Variants in FRMD4A observed in about 807,000 individuals in gnomAD.
FRMD4A encodes FERM domain-containing protein 4A.
Under a neutral mutation model 129.1 loss-of-function variants are expected in FRMD4A, and 29 were observed. That is an observed-to-expected ratio of 0.22 (90% CI 0.17 to 0.31). The LOEUF is 0.31. Ranked by LOEUF, FRMD4A falls within the 10% of genes least tolerant of loss-of-function variation. The pLI, the probability that FRMD4A is intolerant of heterozygous loss-of-function variation, is 1.00. For synonymous variants in FRMD4A, 634 were observed against 571.6 expected (o/e 1.11, Z -1.56); for missense variants, 1,272 against 1,375.8 (o/e 0.92, Z 1.19).
At chr10:14,169,248 G>A (rs1841351602) in intron 2 of FRMD4A, among the ~76,000 whole-genome samples, 1 of 152,084 alleles carries the variant, frequency 6.6e-6, no homozygotes, top group Non-Finnish European at 1.5e-5. Flanking sequence ...CATCTTGGAT[G>A]CTAATCTGCC....
chr10:13,814,044 C>T (rs1280522367), intron 3 of FRMD4A, among the ~76,000 whole-genome samples: 2 of 152,080 alleles, frequency 1.3e-5, no homozygotes, highest in African/African-American at 4.8e-5. Context: ...TTTGTCAACG[C>T]GTTTTCACTG....
intron 2 of FRMD4A, among the ~76,000 whole-genome samples, chr10:13,892,311 A>G (rs1270596795): frequency 3.3e-5 from 5 of 152,008 alleles, no homozygotes; most frequent in African/African-American, 1.2e-4. Context: ...ATCTAGTCCA[A>G]TTGTATTGAA....
At chr10:13,912,090 T>G (rs1380594046) in intron 2 of FRMD4A, among the ~76,000 whole-genome samples, 1 of 152,248 alleles carries the variant, frequency 6.6e-6, no homozygotes, top group Non-Finnish European at 1.5e-5. Context: ...ATGCTTCTCA[T>G]TTTTGTTTTT....
intron 2 of FRMD4A, among the ~76,000 whole-genome samples, chr10:13,968,287 G>A (rs533920369): frequency 6.6e-6 from 1 of 152,274 alleles, no homozygotes; most frequent in East Asian, 1.9e-4. Flanking sequence ...AGCCAATGAA[G>A]ACACCGCAAA....
chr10:13,689,549 C>CTTTTTTT lies in FRMD4A; in HGVS notation c.1117+4342_1117+4348dup, dbSNP rs34800095. Among the ~76,000 whole-genome samples, 326 of 128,618 alleles carry CTTTTTTT rather than the reference C, an allele frequency of 2.5e-3. 8 individuals are homozygous for CTTTTTTT. Among genetic ancestry groups the CTTTTTTT allele is most frequent in the African/African-American group, 8.8e-3 (290 of 32,786 alleles). The allele number at this position is 128,618 out of a possible 152,430, so 84.4% of individuals were successfully genotyped here. ...CTCTAGGAACATAGATTAGAAGATT[C>CTTTTTTT]TTTTTTTTTTTTTTTTTTAAGAGAC... On this transcript the variant is annotated intron_variant, in intron 15 of 24. Transcript: ENST00000357447.
At position 13,902,852 on chromosome 10, in the gene FRMD4A, A is replaced by C. The variant is rs1188396486; in HGVS notation, c.46-43940T>G. 8.2e-5 allele frequency among the ~76,000 whole-genome samples: 12 copies of C among 146,398 alleles called. No homozygotes were observed. The East Asian group carries it at 1.8e-3, about 22-fold the overall frequency. On this transcript the variant is annotated intron_variant, in intron 2 of 24. Coordinates refer to ENST00000357447, the MANE Select transcript of FRMD4A (RefSeq NM_018027.5). The stretch of plus-strand genomic sequence containing the variant: ...GAGATGCAGTCTCAAAAAAAAAAAA[A>C]AAAAACAACAACAAACAACAGATTC...
intron 3 of FRMD4A, among the ~76,000 whole-genome samples, chr10:13,839,461 G>T (rs937668516): frequency 2.0e-5 from 3 of 152,164 alleles, no homozygotes; most frequent in Non-Finnish European, 4.4e-5. Flanking sequence ...GCCATAAAAC[G>T]TGCACCAGAG....
intron 2 of FRMD4A, among the ~76,000 whole-genome samples, chr10:14,311,945 T>C (rs1477059826): frequency 1.3e-5 from 2 of 152,168 alleles, no homozygotes; most frequent in Non-Finnish European, 2.9e-5. Flanking sequence ...AAAATTTTTC[T>C]TATATGGAAC....
rs567621194 is a variant in FRMD4A, at chr10:13,856,895, G to A, written c.111+1952C>T. On this transcript the variant is annotated intron_variant, in intron 3 of 24. Coordinates refer to ENST00000357447, the MANE Select transcript of FRMD4A (RefSeq NM_018027.5). ...AGGTGGCTTCTTTCTAAACCTCCAAGCTTTGATTCAGGAAAAGCATGTAAA... is the reference window on the plus strand; with the variant it reads ...AGGTGGCTTCTTTCTAAACCTCCAAACTTTGATTCAGGAAAAGCATGTAAA... Among the ~76,000 whole-genome samples the A allele has an allele frequency of 2.0e-3, 299 of 152,188 alleles. 1 individual carries two copies. The highest frequency in any genetic ancestry group is 6.8e-3 in the African/African-American group (284 of 41,524).
At chr10:13,653,886 G>C (rs949008814) in intron 23 of FRMD4A, 1 of 164,972 alleles carries the variant, frequency 6.1e-6, no homozygotes, top group Non-Finnish European at 1.3e-5. Context: ...TAATTTTGTT[G>C]TGTGCAGCTT....
chr10:13,824,307 C>T (rs1282079698), intron 3 of FRMD4A, among the ~76,000 whole-genome samples: 1 of 108,874 alleles, frequency 9.2e-6, no homozygotes, highest in African/African-American at 3.5e-5. Flanking sequence ...GAAACCCTAT[C>T]TGTACTAAAA....
At position 14,264,957 on chromosome 10, in the gene FRMD4A, T is replaced by A. The variant is rs11258986; in HGVS notation, c.45+65101A>T. Among the ~76,000 whole-genome samples, 958 of 152,236 alleles carry A rather than the reference T, an allele frequency of 6.3e-3. 11 individuals are homozygous for A. Among genetic ancestry groups the A allele is most frequent in the South Asian group, 0.051 (245 of 4,832 alleles). On this transcript the variant is annotated intron_variant, in intron 2 of 24. Coordinates refer to ENST00000357447, the MANE Select transcript of FRMD4A (RefSeq NM_018027.5). ...CCACCATGCCTGGCTAATTTTTGTA[T>A]TTTTTAGTAGAGACGGGGGTTTCAC... is the stretch of plus-strand genomic sequence containing the variant.
chr10:13,663,048 C>T (rs574709336), intron 19 of FRMD4A, among the ~76,000 whole-genome samples: 2 of 143,932 alleles, frequency 1.4e-5, no homozygotes, highest in African/African-American at 5.1e-5. Context: ...ACAAAAATTG[C>T]CAGGTGTGGT....
At chr10:14,284,738 C>T (rs1315526358) in intron 2 of FRMD4A, among the ~76,000 whole-genome samples, 1 of 152,198 alleles carries the variant, frequency 6.6e-6, no homozygotes, top group Non-Finnish European at 1.5e-5. Context: ...GACTGTAAAA[C>T]TTGTGTGGTA....
At chr10:13,922,595 T>A (rs1361391844) in intron 2 of FRMD4A, among the ~76,000 whole-genome samples, 5 of 152,194 alleles carry the variant, frequency 3.3e-5, no homozygotes, top group African/African-American at 1.2e-4. Context: ...AAAGCTCTCC[T>A]CCTGCTCAAA....
intron 2 of FRMD4A, among the ~76,000 whole-genome samples, chr10:14,114,721 G>C (rs373505029): frequency 7.8e-4 from 119 of 152,268 alleles, no homozygotes; most frequent in South Asian, 6.8e-3. Flanking sequence ...CATTTTTTTG[G>C]AGAAATTTGA....
chr10:13,901,397 G>T (rs2094817380), intron 2 of FRMD4A, among the ~76,000 whole-genome samples: 1 of 152,142 alleles, frequency 6.6e-6, no homozygotes, highest in Non-Finnish European at 1.5e-5. Flanking sequence ...TTGAACCAGA[G>T]ATCAGGAGTT....
intron 3 of FRMD4A, among the ~76,000 whole-genome samples, chr10:13,827,698 C>T: frequency 6.6e-6 from 1 of 152,188 alleles, no homozygotes; most frequent in East Asian, 1.9e-4. Flanking sequence ...GCCCTGGGAT[C>T]TGAGAGAGGG....
At chr10:13,674,814 T>G in intron 16 of FRMD4A, 97 bp downstream of exon 16, 4 of 1,313,212 alleles carry the variant, frequency 3.0e-6, no homozygotes, top group Non-Finnish European at 4.3e-6. Flanking sequence ...TCAAATGACA[T>G]CAGTCAAATG....
Sources: gnomAD v4.1 joint callset for allele counts (sites outside exome capture counted in the v4.1 genomes callset) on GRCh38, gnomAD v4.1.1 for gene constraint, MANE v1.5 for transcripts, NCBI Gene and HGNC (gene_info 2026-07-23, HGNC 2026-07-21) for gene names.